The following ACIN1 variants were observed in gnomAD, a reference collection of about 807,000 sequenced individuals.
ACIN1 encodes apoptotic chromatin condensation inducer 1.
ACIN1 carries 16 observed loss-of-function variants against 146.6 expected under a neutral mutation model. That is an observed-to-expected ratio of 0.11 (90% CI 0.07 to 0.17). The LOEUF (loss-of-function observed/expected upper bound fraction) is 0.17, where lower values mean the gene tolerates loss of function less well. Ranked by LOEUF, ACIN1 falls within the 10% of genes least tolerant of loss-of-function variation. The pLI is 1.00. For missense variants in ACIN1, 1,357 were observed against 1,609.3 expected, an observed-to-expected ratio of 0.84 and a Z score of 2.68; for synonymous variants, 569 against 582.7, an observed-to-expected ratio of 0.98 and a Z score of 0.34.
chr14:23,064,447 C>T lies in ACIN1; in HGVS notation c.2350G>A (p.Gly784Arg), dbSNP rs762806045. The T allele has an allele frequency of 6.2e-7, 1 of 1,614,270 alleles. No homozygotes were observed. Among genetic ancestry groups the T allele is most frequent in the Non-Finnish European group, 8.5e-7 (1 of 1,180,052 alleles). ...CGTCGTTTCCGACCAGGCTGGCCCC[C>T]CTCTGTGTCACTGTTTCCAGCTGGC... ...GVPAGNSDTE[G>R]GQPGRKRRWG... is the part of the protein sequence containing the mutation. The change falls in exon 11 of 19, where the codon GGG becomes AGG. Residue 784 changes from glycine to arginine, a missense_variant. Coordinates refer to ENST00000605057, the MANE Select transcript of ACIN1 (RefSeq NM_001386863.1).
At chr14:23,071,052 T>TGAGGAAGAG in intron 8 of ACIN1, 1 of 1,449,706 alleles carries the variant, frequency 6.9e-7, no homozygotes, top group Non-Finnish European at 9.4e-7. Context: ...ATGAAAGCCA[T>TGAGGAAGAG]GAGGAAGAGA....
chr14:23,092,238 AT>A (rs930003705), intron 2 of ACIN1, among the ~76,000 whole-genome samples: 2 of 152,072 alleles, frequency 1.3e-5, no homozygotes, highest in African/African-American at 2.4e-5. Flanking sequence ...AATACTTTCT[AT>A]GTTATTAGTC....
At chr14:23,084,166 C>T (rs2048025956) in intron 4 of ACIN1, among the ~76,000 whole-genome samples, 2 of 152,114 alleles carry the variant, frequency 1.3e-5, no homozygotes, top group Non-Finnish European at 2.9e-5. Flanking sequence ...AGGCTGGTCT[C>T]GAACTCCTGA....
At chr14:23,083,950 A>ATT (rs879327435) in intron 4 of ACIN1, among the ~76,000 whole-genome samples, 1 of 144,284 alleles carries the variant, frequency 6.9e-6, no homozygotes. Flanking sequence ...CTTCTCTCTT[A>ATT]TTTTTTTTTT....
At chr14:23,066,742 CA>C (rs1292996162) in intron 9 of ACIN1, among the ~76,000 whole-genome samples, 3 of 152,186 alleles carry the variant, frequency 2.0e-5, no homozygotes, top group Non-Finnish European at 4.4e-5. Context: ...CCAGCCACCG[CA>C]GGGAGCTCCA....
At position 23,067,846 on chromosome 14, in the gene ACIN1, G is replaced by A. The variant is rs1594752337; in HGVS notation, c.2265+1630C>T. On this transcript the variant is annotated intron_variant, in intron 9 of 18. Coordinates refer to ENST00000605057, the MANE Select transcript of ACIN1 (RefSeq NM_001386863.1). This position sits in a 1 kb window ranked among gnomAD's most constrained non-coding sequence, Gnocchi z 4.6. ...TCCTCTCACCGAGTGGGATCATGGA[G>A]CCTCTGATGAAGGTAGCCTGGGGGT... The A allele has an allele frequency of 1.0e-6, 1 of 985,878 alleles. No homozygotes were observed. The highest frequency in any genetic ancestry group is 4.7e-5 in the South Asian group (1 of 21,290). The allele number at this position is 985,878 out of a possible 1,614,324, so 61.1% of individuals were successfully genotyped here. A position where few individuals can be genotyped will look rare whatever the true frequency, so the allele number is the denominator to read the frequency against.
intron 18 of ACIN1, among the ~76,000 whole-genome samples, 170 bp from the exon 19 acceptor site, chr14:23,059,644 A>C (rs1185747772): frequency 5.7e-5 from 8 of 140,344 alleles, no homozygotes; most frequent in Non-Finnish European, 1.2e-4. Context: ...TCTCCCTCCT[A>C]GTTTCAGCCT....
chr14:23,059,653 CT>C (rs376703295), intron 18 of ACIN1, among the ~76,000 whole-genome samples, 179 bp from the exon 19 acceptor site: 53,897 of 138,368 alleles, frequency 0.39, 10,968 homozygotes, highest in African/African-American at 0.55. Context: ...TAGTTTCAGC[CT>C]TTTTTTTTTT....
At chr14:23,070,293 A>G (rs1001399001) in intron 8 of ACIN1, among the ~76,000 whole-genome samples, 1 of 152,108 alleles carries the variant, frequency 6.6e-6, no homozygotes, top group Non-Finnish European at 1.5e-5. Flanking sequence ...ATTCAAAAGG[A>G]AAAATTAAAA....
chr14:23,070,848 C>T (rs377691642), intron 8 of ACIN1, among the ~76,000 whole-genome samples: 27 of 152,146 alleles, frequency 1.8e-4, no homozygotes, highest in Admixed American at 6.5e-4. Context: ...AGGGGAAAAT[C>T]GGAACTGTGC....
chr14:23,093,491 C>G lies in ACIN1; in HGVS notation c.192G>C (p.Gln64His). 6.2e-7 allele frequency: 1 copy of G among 1,613,980 alleles called. No individual in the cohort carries two copies. Among genetic ancestry groups the G allele is most frequent in the Non-Finnish European group, 8.5e-7 (1 of 1,179,924 alleles). ...CCTTCTTTCTCACCTGGGAATTTGG[C>G]TGGAATGCAGCATGGGGTGTTGAGT... Reference protein sequence around the residue: ...QKHSTPHAAFQPNSQIGEEMS... With the variant: ...QKHSTPHAAFHPNSQIGEEMS... Residue 64 changes from glutamine (Q) to histidine (H), a missense_variant, in exon 2 of 19, where the codon CAG becomes CAC. By Grantham distance (24) the Gln-to-His change is conservative. This residue lies in a region of ACIN1 where 55 missense variants were observed against 123.9 expected (regional missense o/e 0.44). Coordinates refer to ENST00000605057, the MANE Select transcript of ACIN1 (RefSeq NM_001386863.1).
chr14:23,082,113 A>T (rs2047958161), intron 4 of ACIN1, among the ~76,000 whole-genome samples: 1 of 152,216 alleles, frequency 6.6e-6, no homozygotes, highest in Admixed American at 6.5e-5. Context: ...AATGTAAAAT[A>T]ATTTCCAGGG....
rs571974747 is a variant in ACIN1, at chr14:23,068,876, G to C, written c.2265+600C>G. On this transcript the variant is annotated intron_variant, in intron 9 of 18. Transcript: ENST00000605057. The surrounding 1 kb of genome is among the most constrained non-coding windows in gnomAD (Gnocchi z 4.3). ...GAGCCAAGAAGACTTCGCTGGCTCTGATGGGGGAAGCCCCCTGAAGTGGGT... is the reference window on the plus strand; with the variant it reads ...GAGCCAAGAAGACTTCGCTGGCTCTCATGGGGGAAGCCCCCTGAAGTGGGT... 10 of 985,424 alleles carry C rather than the reference G, an allele frequency of 1.0e-5. No homozygotes were observed. In the African/African-American group the frequency reaches 1.6e-4, roughly 15 times the overall value. 61.0% of individuals were successfully genotyped at this position (985,424 alleles called of 1,614,324 possible).
In ACIN1 at chr14:23,079,025, C is replaced by T. The variant is rs1419128896; in HGVS notation, c.1802G>A (p.Gly601Glu). 6.2e-7 allele frequency: 1 copy of T among 1,613,922 alleles called. No individual in the cohort carries two copies. The change falls in exon 7 of 19, where the codon GGA (glycine) becomes GAA (glutamate). Residue 601 changes from glycine to glutamate, a missense_variant. By Grantham distance (98) the Gly-to-Glu change is moderately conservative (BLOSUM62 -2). This residue lies in a region of ACIN1 where 771 missense variants were observed against 746.6 expected (regional missense o/e 1.03). Coordinates refer to ENST00000605057, the MANE Select transcript of ACIN1 (RefSeq NM_001386863.1). ...SSNSRKSLSP[G>E]VSRDSSTSYT... Reference sequence around the variant, plus strand: ...GCTGGTGCTGCTGTCCCTGGAGACTCCAGGGCTCAGAGACTAAAACAAAAT... The same window carrying T: ...GCTGGTGCTGCTGTCCCTGGAGACTTCAGGGCTCAGAGACTAAAACAAAAT...
chr14:23,067,593 G>A lies in ACIN1; in HGVS notation c.2266-1585C>T. The A allele has an allele frequency of 2.0e-6, 2 of 985,942 alleles. No homozygotes were observed. The highest frequency in any genetic ancestry group is 2.4e-6 in the Non-Finnish European group (2 of 830,020). 61.1% of individuals were successfully genotyped at this position (985,942 alleles called of 1,614,324 possible). A position where few individuals can be genotyped will look rare whatever the true frequency, so the allele number is the denominator to read the frequency against. On this transcript the variant is annotated intron_variant, in intron 9 of 18. Transcript: ENST00000605057. This position sits in a 1 kb window ranked among gnomAD's most constrained non-coding sequence, Gnocchi z 4.6. ...TGGCCAGGCTCAGCGAGGGATAGAG[G>A]GGGGAAAGGGGCAGAGACATCAGTC...
upstream of ACIN1, chr14:23,095,423 G>T: frequency 8.4e-7 from 1 of 1,188,694 alleles, no homozygotes; most frequent in Non-Finnish European, 1.2e-6. Context: ...AACCATAATC[G>T]GAGATGTTCG....
At chr14:23,084,488 C>T (rs1042724205) in intron 4 of ACIN1, among the ~76,000 whole-genome samples, 3 of 151,846 alleles carry the variant, frequency 2.0e-5, no homozygotes, top group South Asian at 2.1e-4. Flanking sequence ...CGTACGCCTG[C>T]AGTCCCAGCT....
At chr14:23,095,195 T>G (rs1306604162), upstream of ACIN1, 2 of 1,614,088 alleles carry the variant, frequency 1.2e-6, no homozygotes, top group Non-Finnish European at 1.7e-6. Context: ...CGTACCGAGA[T>G]GACCCCGCCC....
chr14:23,070,962 G>C (rs1305643833), intron 8 of ACIN1, among the ~76,000 whole-genome samples: 2 of 152,208 alleles, frequency 1.3e-5, no homozygotes, highest in Non-Finnish European at 2.9e-5. Context: ...GAAAGGGCAT[G>C]TGGGGCCAAT....
Sources: allele counts gnomAD v4.1 joint callset (sites outside exome capture counted in the v4.1 genomes callset), GRCh38; gene constraint gnomAD v4.1.1; regional missense constraint gnomAD v4.1.1; non-coding constraint Gnocchi (gnomAD v3.1); transcripts MANE v1.5; gene names NCBI Gene and HGNC (gene_info 2026-07-23, HGNC 2026-07-21).